The following ITPR1 variants were observed in gnomAD, a reference collection of about 807,000 sequenced individuals.
ITPR1 encodes inositol 1,4,5-trisphosphate-gated calcium channel ITPR1.
In ITPR1, 96 loss-of-function variants were observed where a neutral mutation model predicts 318.4. The ratio of observed to expected loss-of-function variants is 0.30; its 90% CI spans 0.26 to 0.36. The LOEUF (loss-of-function observed/expected upper bound fraction) is 0.36, where lower values mean the gene tolerates loss of function less well. Ranked by LOEUF, ITPR1 falls within the 10% of genes least tolerant of loss-of-function variation. The pLI is 1.00. For synonymous variants in ITPR1, 1,312 were observed against 1,289.9 expected, an observed-to-expected ratio of 1.02 and a Z score of -0.37; for missense variants, 2,440 against 3,460.2, an observed-to-expected ratio of 0.71 and a Z score of 7.40.
In ITPR1 at chr3:4,626,182, TTCTGTG is replaced by T. The variant is rs548594401; in HGVS notation, c.164-1579_164-1574del. Among the ~76,000 whole-genome samples the T allele has an allele frequency of 2.0e-3, 286 of 144,610 alleles. 2 individuals are homozygous for T. The highest frequency in any genetic ancestry group is 7.6e-3 in the African/African-American group (275 of 36,010). 94.9% of individuals were successfully genotyped at this position (144,610 alleles called of 152,430 possible). A position where few individuals can be genotyped will look rare whatever the true frequency, so the allele number is the denominator to read the frequency against. On this transcript the variant is annotated intron_variant, in intron 4 of 61. Transcript: ENST00000649015. ...AAAATTGGTGGCTATACCCTAAACT[TTCTGTG>T]TGTGTGTGTGTGTGTGTGTGTATTT... is the stretch of plus-strand genomic sequence containing the variant.
chr3:4,720,269 T>A (rs973118739), intron 40 of ITPR1, among the ~76,000 whole-genome samples: 1 of 152,138 alleles, frequency 6.6e-6, no homozygotes, highest in African/African-American at 2.4e-5. Context: ...ATGACAGCTC[T>A]CAGCTGTGAG....
intron 56 of ITPR1, among the ~76,000 whole-genome samples, chr3:4,811,686 C>G (rs2048948170): frequency 6.6e-6 from 1 of 152,184 alleles, no homozygotes; most frequent in Non-Finnish European, 1.5e-5. Flanking sequence ...TATTTATTCA[C>G]TAACATCATC....
At chr3:4,660,944 C>A in intron 13 of ITPR1, 44 bp from the exon 14 acceptor site, 1 of 1,012,614 alleles carries the variant, frequency 9.9e-7, no homozygotes, top group Non-Finnish European at 1.5e-6. Context: ...ATAGAGTAAA[C>A]CTCAATATTT....
rs3079679 is a variant in ITPR1, at chr3:4,847,395, C to CAAAAAAAAAAAA, written c.*1173_*1184dup. 7.4e-6 allele frequency: 1 copy of CAAAAAAAAAAAA among 135,162 alleles called. No individual in the cohort carries two copies. The allele number at this position is 135,162 out of a possible 1,614,324, so 8.4% of individuals were successfully genotyped here. A position where few individuals can be genotyped will look rare whatever the true frequency, so the allele number is the denominator to read the frequency against. On this transcript the variant is annotated 3_prime_UTR_variant, in exon 62 of 62. Coordinates refer to ENST00000649015, the MANE Select transcript of ITPR1 (RefSeq NM_001378452.1). Reference sequence around the variant, plus strand: ...CTCATTTTACAAGAGAATCTCTCTGCAAAAAAAAAAAAAACAGTTTAAAAA... The same window carrying CAAAAAAAAAAAA: ...CTCATTTTACAAGAGAATCTCTCTGCAAAAAAAAAAAAAAAAAAAAAAAAAACAGTTTAAAAA...
chr3:4,601,499 CAA>C (rs33950775), intron 4 of ITPR1, among the ~76,000 whole-genome samples: 123 of 131,568 alleles, frequency 9.3e-4, no homozygotes, highest in African/African-American at 1.8e-3. Flanking sequence ...GACCCTGTCT[CAA>C]AAAAAAAAAA....
chr3:4,806,942 G>A (rs140664394), intron 55 of ITPR1, among the ~76,000 whole-genome samples: 151 of 152,212 alleles, frequency 9.9e-4, no homozygotes, highest in Middle Eastern at 6.8e-3. Context: ...CCATTTTCTT[G>A]TGCCTACATA....
chr3:4,656,266 A>C (rs550718709), intron 12 of ITPR1, among the ~76,000 whole-genome samples: 1 of 151,838 alleles, frequency 6.6e-6, no homozygotes, highest in Non-Finnish European at 1.5e-5. Flanking sequence ...TTTCCTCTCA[A>C]CTCCCACAGG....
chr3:4,713,966 G>T (rs1308781664), intron 39 of ITPR1, among the ~76,000 whole-genome samples: 1 of 152,154 alleles, frequency 6.6e-6, no homozygotes, highest in Non-Finnish European at 1.5e-5. Flanking sequence ...CGTGCTTCTG[G>T]CCCAATGCTT....
intron 15 of ITPR1, among the ~76,000 whole-genome samples, chr3:4,662,477 C>T (rs1479033620): frequency 1.3e-5 from 2 of 152,120 alleles, no homozygotes; most frequent in African/African-American, 4.8e-5. Flanking sequence ...AATCCCAGGA[C>T]TTTGGGAGGC....
At chr3:4,703,956 A>T (rs1029166514) in intron 36 of ITPR1, among the ~76,000 whole-genome samples, 1 of 152,174 alleles carries the variant, frequency 6.6e-6, no homozygotes, top group Non-Finnish European at 1.5e-5. Context: ...TACTTTTTCC[A>T]TACAGGATTA....
chr3:4,544,389 C>A (rs1165807393), intron 4 of ITPR1, among the ~76,000 whole-genome samples: 1 of 152,218 alleles, frequency 6.6e-6, no homozygotes, highest in African/African-American at 2.4e-5. Context: ...GTAGCTCTTA[C>A]TCTAGCCATC....
At chr3:4,714,142 C>T (rs767221705) in intron 39 of ITPR1, among the ~76,000 whole-genome samples, 3 of 152,170 alleles carry the variant, frequency 2.0e-5, no homozygotes, top group Non-Finnish European at 4.4e-5. Context: ...GGTTTACTGG[C>T]TGCCCCGTTT....
intron 54 of ITPR1, among the ~76,000 whole-genome samples, chr3:4,801,786 A>G (rs2048248580): frequency 1.3e-5 from 2 of 152,078 alleles, no homozygotes; most frequent in Admixed American, 6.6e-5. Flanking sequence ...ATGAACAAAT[A>G]AATAAATAAT....
Position 4,563,465 on chromosome 3 carries a change from T to C in ITPR1, c.163+42371T>C, listed in dbSNP as rs2086892225. Among the ~76,000 whole-genome samples the C allele has an allele frequency of 1.3e-5, 2 of 152,100 alleles. 1 individual carries two copies. Among genetic ancestry groups the C allele is most frequent in the South Asian group, 4.1e-4 (2 of 4,824 alleles). ...TCGAGGCTGCAGTGAGCTGGGATCA[T>C]ACCACTGCACTCCAGCCTGGGTGAC... On this transcript the variant is annotated intron_variant, in intron 4 of 61. Coordinates refer to ENST00000649015, the MANE Select transcript of ITPR1 (RefSeq NM_001378452.1).
At position 4,684,188 on chromosome 3, in the gene ITPR1, C is replaced by A. The variant is rs542199376; in HGVS notation, c.3499-93C>A. The A allele has an allele frequency of 2.3e-4, 186 of 804,256 alleles. 1 individual carries two copies. In the South Asian group the frequency reaches 2.6e-3, roughly 11 times the overall value. 49.8% of individuals were successfully genotyped at this position (804,256 alleles called of 1,614,324 possible). A position where few individuals can be genotyped will look rare whatever the true frequency, so the allele number is the denominator to read the frequency against. ...GACTATTGTAAAACAGTATAGAACT[C>A]CCTTTCTTTCCTAAAGGTCGATGCT... On this transcript the variant is annotated intron_variant, in intron 28 of 61. Coordinates refer to ENST00000649015, the MANE Select transcript of ITPR1 (RefSeq NM_001378452.1).
chr3:4,836,119 ATTCAC>A (rs1470105874), intron 60 of ITPR1, among the ~76,000 whole-genome samples: 5 of 152,162 alleles, frequency 3.3e-5, no homozygotes, highest in Admixed American at 6.5e-5. Flanking sequence ...GGACCTTAAA[ATTCAC>A]TTCACTTCAA....
intron 4 of ITPR1, among the ~76,000 whole-genome samples, chr3:4,572,413 A>G (rs962503805): frequency 5.9e-5 from 9 of 152,116 alleles, no homozygotes; most frequent in Admixed American, 5.9e-4. Context: ...ATATGCATAT[A>G]TTATAGTTCT....
intron 4 of ITPR1, among the ~76,000 whole-genome samples, chr3:4,584,502 A>G (rs73009420): frequency 0.021 from 3,152 of 151,432 alleles, 49 homozygotes; most frequent in Non-Finnish European, 0.034. Flanking sequence ...AGAGGAGAGG[A>G]GAGGAAGTGA....
intron 31 of ITPR1, among the ~76,000 whole-genome samples, chr3:4,689,197 A>G (rs1462231040): frequency 6.6e-6 from 1 of 152,210 alleles, no homozygotes; most frequent in African/African-American, 2.4e-5. Flanking sequence ...TGGCCAAATG[A>G]CATTCCATAG....
Sources: gnomAD v4.1 joint callset for allele counts (sites outside exome capture counted in the v4.1 genomes callset) on GRCh38, gnomAD v4.1.1 for gene constraint, MANE v1.5 for transcripts, NCBI Gene and HGNC (gene_info 2026-07-23, HGNC 2026-07-21) for gene names.